Variants in ZNF771 observed in about 807,000 individuals in gnomAD.
The protein encoded by ZNF771 is mesenchymal stem cell protein DSC43.
Under a neutral mutation model 27.6 loss-of-function variants are expected in ZNF771, and 10 were observed. The ratio of observed to expected loss-of-function variants is 0.36; its 90% CI spans 0.22 to 0.61. The LOEUF (loss-of-function observed/expected upper bound fraction) is 0.61. ZNF771 is among the 20% of genes least tolerant of loss of function. The pLI is 0.70. For missense variants in ZNF771, 438 were observed against 503.7 expected (o/e 0.87, Z 1.25); for synonymous variants, 261 against 225.2 (o/e 1.16, Z -1.43).
chr16:30,417,909 C>A lies in ZNF771; in HGVS notation c.496C>A (p.Leu166Met). ...GCAGAGCTCCAACTACGCACAGCACCTGCGCGTGCACACGGGCGAGAAGCC... is the reference window on the plus strand; with the variant it reads ...GCAGAGCTCCAACTACGCACAGCACATGCGCGTGCACACGGGCGAGAAGCC... ...FAQSSNYAQH[L>M]RVHTGEKPYA... Residue 166 changes from leucine to methionine, a missense_variant, in exon 3 of 3, where the codon CTG (leucine) becomes ATG (methionine). By Grantham distance (15) the Leu-to-Met change is conservative. Transcript: ENST00000319296. The A allele has an allele frequency of 6.6e-7, 1 of 1,518,860 alleles. No homozygotes were observed. 94.1% of individuals were successfully genotyped at this position (1,518,860 alleles called of 1,614,324 possible).
chr16:30,410,856 C>CAAAAAA, intron 2 of ZNF771, among the ~76,000 whole-genome samples: 2 of 27,386 alleles, frequency 7.3e-5, no homozygotes, highest in Non-Finnish European at 1.3e-4. Context: ...CTCATCTCTA[C>CAAAAAA]AAAAAAAAAA....
At position 30,418,723 on chromosome 16, in the gene ZNF771, C is replaced by G. The variant is rs892766946; in HGVS notation, c.*356C>G. Reference sequence around the variant, plus strand: ...AACCTAAAAGGGGTTCCCGGCACCTCGGTTTGTGTTGGTTGGAGGTGATCG... The same window carrying G: ...AACCTAAAAGGGGTTCCCGGCACCTGGGTTTGTGTTGGTTGGAGGTGATCG... On this transcript the variant is annotated 3_prime_UTR_variant, in exon 3 of 3. Transcript: ENST00000319296. The G allele has an allele frequency of 1.2e-5, 3 of 259,806 alleles. No individual in the cohort carries two copies. Among genetic ancestry groups the G allele is most frequent in the African/African-American group, 4.4e-5 (2 of 45,020 alleles). 16.1% of individuals were successfully genotyped at this position (259,806 alleles called of 1,614,324 possible).
chr16:30,417,664 CG>C lies in ZNF771; in HGVS notation c.252del (p.His85ThrfsTer22). On this transcript the variant is annotated frameshift_variant, in exon 3 of 3. Transcript: ENST00000319296. LOFTEE classifies it high-confidence loss of function. The stretch of plus-strand genomic sequence containing the variant: ...TCCACGCTGGCGAAGCACGCGCGCA[CG>C]CACACGGGCGAACGGCCCTTCGGGT... ...RRSTLAKHAR[T>X]HTGERPFGCT... 7.3e-7 allele frequency: 1 copy of C among 1,377,928 alleles called. No homozygotes were observed. Among genetic ancestry groups the C allele is most frequent in the Non-Finnish European group, 9.4e-7 (1 of 1,068,058 alleles). The allele number at this position is 1,377,928 out of a possible 1,614,324, so 85.4% of individuals were successfully genotyped here. A position where few individuals can be genotyped will look rare whatever the true frequency, so the allele number is the denominator to read the frequency against.
intron 1 of ZNF771, 83 bp downstream of exon 1, chr16:30,407,747 G>A (rs1001833351): frequency 3.9e-5 from 8 of 204,104 alleles, no homozygotes; most frequent in Non-Finnish European, 5.0e-5. Flanking sequence ...GCCGACCCGG[G>A]CCCTGGGGAG....
rs770141346 is a variant in ZNF771, at chr16:30,413,553, C to A, written c.142-4002C>A. 5.7e-5 allele frequency: 21 copies of A among 367,002 alleles called. 1 individual carries two copies. The highest frequency in any genetic ancestry group is 3.5e-4 in the South Asian group (20 of 57,262). The allele number at this position is 367,002 out of a possible 1,614,324, so 22.7% of individuals were successfully genotyped here. On this transcript the variant is annotated intron_variant, in intron 2 of 2. Coordinates refer to ENST00000319296, the MANE Select transcript of ZNF771 (RefSeq NM_001142305.2). ...CCCACATACCACCTTATACCTCATG[C>A]TGGGAAATTTTGGGTTTTTTTTTCT...
chr16:30,414,946 CTTT>C (rs71149016), intron 2 of ZNF771, among the ~76,000 whole-genome samples: 1 of 59,450 alleles, frequency 1.7e-5, no homozygotes, highest in Non-Finnish European at 2.9e-5. Context: ...CGCCCGGCCT[CTTT>C]TTTTTTTTTT....
chr16:30,415,410 G>A (rs1381204943), intron 2 of ZNF771, among the ~76,000 whole-genome samples: 29 of 133,108 alleles, frequency 2.2e-4, no homozygotes, highest in Admixed American at 1.4e-3. Flanking sequence ...TTTTTGAGAC[G>A]GAGTCTTGCC....
chr16:30,414,751 C>T (rs1388913598), intron 2 of ZNF771: 1 of 151,236 alleles, frequency 6.6e-6, no homozygotes, highest in Non-Finnish European at 1.5e-5. Context: ...TCATGTCATT[C>T]TCCTGCCTCA....
At chr16:30,407,895 T>G in intron 1 of ZNF771, 150 bp from the exon 2 acceptor site, 2 of 541,230 alleles carry the variant, frequency 3.7e-6, no homozygotes, top group South Asian at 4.0e-5. Flanking sequence ...GGGGCCGGGC[T>G]GGGGTGGACG....
chr16:30,417,826 G>A lies in ZNF771; in HGVS notation c.413G>A (p.Arg138Gln), dbSNP rs867363809. 5.3e-6 allele frequency: 8 copies of A among 1,498,090 alleles called. No individual in the cohort carries two copies. Among genetic ancestry groups the A allele is most frequent in the South Asian group, 1.2e-5 (1 of 80,266 alleles). 92.8% of individuals were successfully genotyped at this position (1,498,090 alleles called of 1,614,324 possible). Residue 138 changes from arginine to glutamine, a missense_variant, in exon 3 of 3, where the codon CGG (arginine) becomes CAG (glutamine). Arg to Gln is a conservative substitution (Grantham distance 43). This residue lies in a region of ZNF771 where 305 missense variants were observed against 308.0 expected (regional missense o/e 0.99). Transcript: ENST00000319296. ...GCCGCCTCGAACCTGCGGCAGCACC[G>A]GCGGCGGCACACGGGCGAGAAGCCG... ...FSAASNLRQHRRRHTGEKPYA... is the reference protein window; with the variant it reads ...FSAASNLRQHQRRHTGEKPYA...
Position 30,417,801 on chromosome 16 carries a change from G to A in ZNF771, c.388G>A (p.Ala130Thr). The A allele has an allele frequency of 6.7e-7, 1 of 1,484,172 alleles. No homozygotes were observed. Among genetic ancestry groups the A allele is most frequent in the Non-Finnish European group, 8.9e-7 (1 of 1,124,392 alleles). The allele number at this position is 1,484,172 out of a possible 1,614,324, so 91.9% of individuals were successfully genotyped here. ...ECPECDKRFS[A>T]ASNLRQHRRR... is the part of the protein sequence containing the mutation. ...CCCCGAGTGCGACAAACGCTTCTCG[G>A]CCGCCTCGAACCTGCGGCAGCACCG... The change falls in exon 3 of 3, where the codon GCC becomes ACC. Residue 130 changes from alanine to threonine, a missense_variant. By Grantham distance (58) the Ala-to-Thr change is moderately conservative (BLOSUM62 0). Coordinates refer to ENST00000319296, the MANE Select transcript of ZNF771 (RefSeq NM_001142305.2).
At position 30,414,911 on chromosome 16, in the gene ZNF771, C is replaced by T. The variant is rs1358241492; in HGVS notation, c.142-2644C>T. Among the ~76,000 whole-genome samples the T allele has an allele frequency of 1.1e-4, 15 of 140,650 alleles. 1 individual carries two copies. The highest frequency in any genetic ancestry group is 9.1e-5 in the Non-Finnish European group (6 of 66,006). The allele number at this position is 140,650 out of a possible 152,430, so 92.3% of individuals were successfully genotyped here. ...CTGCCCACCTCAGCCTCCCAAAGTGCTGGGATTACAGGCGTGAGCCACCGC... is the reference window on the plus strand; with the variant it reads ...CTGCCCACCTCAGCCTCCCAAAGTGTTGGGATTACAGGCGTGAGCCACCGC... On this transcript the variant is annotated intron_variant, in intron 2 of 2. Coordinates refer to ENST00000319296, the MANE Select transcript of ZNF771 (RefSeq NM_001142305.2).
intron 2 of ZNF771, among the ~76,000 whole-genome samples, chr16:30,413,291 T>C (rs1029553903): frequency 1.3e-5 from 2 of 152,224 alleles, no homozygotes; most frequent in African/African-American, 4.8e-5. Context: ...GCTTGGGCCA[T>C]TAATGATCAC....
chr16:30,416,608 C>A (rs113242480), intron 2 of ZNF771, among the ~76,000 whole-genome samples: 121 of 152,316 alleles, frequency 7.9e-4, no homozygotes, highest in African/African-American at 2.6e-3. Context: ...GAGCCACTAT[C>A]TTCTCTTGCC....
chr16:30,416,912 C>A (rs2151125753), intron 2 of ZNF771, among the ~76,000 whole-genome samples: 1 of 144,674 alleles, frequency 6.9e-6, no homozygotes, highest in African/African-American at 2.6e-5. Flanking sequence ...CGGCAAGACC[C>A]TGTCTCTTAA....
At chr16:30,415,046 C>A (rs934861378) in intron 2 of ZNF771, among the ~76,000 whole-genome samples, 1 of 143,716 alleles carries the variant, frequency 7.0e-6, no homozygotes, top group African/African-American at 2.6e-5. Flanking sequence ...CAACCTCTGC[C>A]TCCCGGGTTC....
At chr16:30,409,157 G>A (rs2050091634) in intron 2 of ZNF771, among the ~76,000 whole-genome samples, 1 of 151,572 alleles carries the variant, frequency 6.6e-6, no homozygotes, top group Non-Finnish European at 1.5e-5. Flanking sequence ...TGTATTTTCA[G>A]TAGAGTTGGG....
Position 30,418,519 on chromosome 16 carries a change from G to A in ZNF771, c.*152G>A. On this transcript the variant is annotated 3_prime_UTR_variant, in exon 3 of 3. Coordinates refer to ENST00000319296, the MANE Select transcript of ZNF771 (RefSeq NM_001142305.2). The stretch of plus-strand genomic sequence containing the variant: ...GGAGACAGGGAGAATCCCCTGCCGG[G>A]GTCCCTGGAAACAGTGCCCACCCCA... 1.3e-6 allele frequency: 1 copy of A among 759,564 alleles called. No homozygotes were observed. Among genetic ancestry groups the A allele is most frequent in the Non-Finnish European group, 1.9e-6 (1 of 518,158 alleles). 47.1% of individuals were successfully genotyped at this position (759,564 alleles called of 1,614,324 possible).
chr16:30,413,448 G>A (rs1371554382), intron 2 of ZNF771: 1 of 255,456 alleles, frequency 3.9e-6, no homozygotes, highest in East Asian at 9.9e-5. Context: ...TGATGAAATT[G>A]TGGGTTTCAT....
Sources: gnomAD v4.1 joint callset for allele counts (sites outside exome capture counted in the v4.1 genomes callset) on GRCh38, gnomAD v4.1.1 for gene constraint, gnomAD v4.1.1 regional missense constraint, MANE v1.5 for transcripts, NCBI Gene and HGNC (gene_info 2026-07-23, HGNC 2026-07-21) for gene names.